The following ADGRD1 variants were observed in gnomAD, a reference collection of about 807,000 sequenced individuals.
ADGRD1 encodes G-protein coupled receptor 133.
Under a neutral mutation model 113.4 loss-of-function variants are expected in ADGRD1, and 77 were observed. The observed-to-expected ratio is 0.68, with a 90% confidence interval of 0.57 to 0.82. The LOEUF is 0.82. ADGRD1 is among the 40% of genes least tolerant of loss of function. The pLI is 0.00. For missense variants in ADGRD1, 1,036 were observed against 1,139.1 expected, an observed-to-expected ratio of 0.91 and a Z score of 1.30; for synonymous variants, 474 against 475.0, an observed-to-expected ratio of 1.00 and a Z score of 0.03.
chr12:131,088,731 G>C (rs1416287335), intron 15 of ADGRD1, among the ~76,000 whole-genome samples: 1 of 152,176 alleles, frequency 6.6e-6, no homozygotes, highest in African/African-American at 2.4e-5. Context: ...GCGGCAGCCC[G>C]CTGGTGTGGC....
intron 12 of ADGRD1, among the ~76,000 whole-genome samples, chr12:131,008,595 G>A (rs1270780025): frequency 6.6e-6 from 1 of 152,224 alleles, no homozygotes; most frequent in Non-Finnish European, 1.5e-5. Flanking sequence ...GATGATATCT[G>A]ACCACCCACG....
intron 13 of ADGRD1, among the ~76,000 whole-genome samples, chr12:131,047,798 T>C (rs563608374): frequency 3.2e-4 from 49 of 152,236 alleles, no homozygotes; most frequent in African/African-American, 1.1e-3. Context: ...CGTAAAGACA[T>C]CATCACCAAC....
intron 13 of ADGRD1, among the ~76,000 whole-genome samples, chr12:131,016,523 G>A (rs1337630952): frequency 1.3e-5 from 2 of 152,272 alleles, no homozygotes; most frequent in Non-Finnish European, 2.9e-5. Flanking sequence ...ATGTGGCTGC[G>A]ACATGCAGCA....
intron 3 of ADGRD1, chr12:130,969,954 T>G (rs1871421702): frequency 6.6e-6 from 1 of 152,250 alleles, no homozygotes; most frequent in South Asian, 2.1e-4. Flanking sequence ...AGGAAAAGCA[T>G]GCCATTTTAA....
At chr12:131,110,943 T>A (rs1247383826) in intron 18 of ADGRD1, among the ~76,000 whole-genome samples, 1 of 152,236 alleles carries the variant, frequency 6.6e-6, no homozygotes, top group Non-Finnish European at 1.5e-5. Flanking sequence ...CACTGCCTTC[T>A]GGCTCGATTG....
rs1329696761 is a variant in ADGRD1 at position 131,057,467 on chromosome 12, T to C, written c.1474-19334T>C. Among the ~76,000 whole-genome samples, 1 of 152,020 alleles carries C rather than the reference T, an allele frequency of 6.6e-6. No individual in the cohort carries two copies. The highest frequency in any genetic ancestry group is 2.4e-5 in the African/African-American group (1 of 41,378). ...AAGCCGTTCTCCTGCAGCTCTTGAG[T>C]CCACGAGTCTGAGACAAAGGCGTTG... On this transcript the variant is annotated intron_variant, in intron 13 of 24. Coordinates refer to ENST00000261654, the MANE Select transcript of ADGRD1 (RefSeq NM_198827.5). The surrounding 1 kb of genome is among the most constrained non-coding windows in gnomAD (Gnocchi z 4.2).
chr12:131,028,306 T>A (rs994231110), intron 13 of ADGRD1, among the ~76,000 whole-genome samples: 1 of 152,248 alleles, frequency 6.6e-6, no homozygotes. Flanking sequence ...TTGCTTTTCT[T>A]TCTTACTGAT....
chr12:131,086,116 A>G (rs2141186), intron 15 of ADGRD1, among the ~76,000 whole-genome samples: 117,674 of 152,066 alleles, frequency 0.77, 47,839 homozygotes, highest in East Asian at 0.91. Context: ...CTGTGGTCAC[A>G]TTTATCAAGG....
At chr12:130,991,856 C>T (rs929851045) in intron 7 of ADGRD1, among the ~76,000 whole-genome samples, 1 of 152,134 alleles carries the variant, frequency 6.6e-6, no homozygotes, top group African/African-American at 2.4e-5. Context: ...CACAGTTGCT[C>T]ATGCCTGTAA....
At chr12:131,037,479 C>T (rs1881628035) in intron 13 of ADGRD1, among the ~76,000 whole-genome samples, 2 of 141,848 alleles carry the variant, frequency 1.4e-5, no homozygotes, top group African/African-American at 5.3e-5. Flanking sequence ...CACCGGGCCT[C>T]ACTCACTGCA....
chr12:130,971,693 G>A lies in ADGRD1; in HGVS notation c.310+113G>A, dbSNP rs4759532. The A allele has an allele frequency of 0.91, 1,036,673 of 1,143,220 alleles. 479,468 individuals carry two copies. The highest frequency in any genetic ancestry group is 0.95 in the East Asian group (36,545 of 38,570). 70.8% of individuals were successfully genotyped at this position (1,143,220 alleles called of 1,614,324 possible). A position where few individuals can be genotyped will look rare whatever the true frequency, so the allele number is the denominator to read the frequency against. The stretch of plus-strand genomic sequence containing the variant: ...GAGGTTCTCATCAATTGCAGAATGC[G>A]TGAGAATGTCAACGATGGATCGGAG... On this transcript the variant is annotated intron_variant, in intron 4 of 24. Transcript: ENST00000261654. This position sits in a 1 kb window ranked among gnomAD's most constrained non-coding sequence, Gnocchi z 4.2.
chr12:130,976,343 G>A (rs1373647337), intron 4 of ADGRD1, among the ~76,000 whole-genome samples: 1 of 152,182 alleles, frequency 6.6e-6, no homozygotes, highest in African/African-American at 2.4e-5. Context: ...GGCCCAGAGA[G>A]GATGCAAGAT....
intron 20 of ADGRD1, among the ~76,000 whole-genome samples, chr12:131,126,630 C>A (rs1413117933): frequency 1.3e-5 from 2 of 152,142 alleles, no homozygotes; most frequent in Non-Finnish European, 2.9e-5. Flanking sequence ...TGCAGTCCTG[C>A]CTCCCTCCTC....
At position 131,138,227 on chromosome 12, in the gene ADGRD1, C is replaced by G; in HGVS notation, c.2527C>G (p.Leu843Val). The change falls in exon 24 of 25, where the codon CTC becomes GTC. Residue 843 changes from leucine to valine, a missense_variant and splice_region_variant. Leu to Val is a conservative substitution (Grantham distance 32). Coordinates refer to ENST00000261654, the MANE Select transcript of ADGRD1 (RefSeq NM_198827.5). ...TSNAKPFHSDLMNGTRPGMAS... is the reference protein window; with the variant it reads ...TSNAKPFHSDVMNGTRPGMAS... The stretch of plus-strand genomic sequence containing the variant: ...CAACGCGAAGCCCTTCCACTCGGAC[C>G]TCGTGAGTGCAGCCTCCATAAACCG... The G allele has an allele frequency of 6.2e-7, 1 of 1,612,302 alleles. No homozygotes were observed. The highest frequency in any genetic ancestry group is 8.5e-7 in the Non-Finnish European group (1 of 1,178,900).
At chr12:131,015,472 T>C (rs1222370209) in intron 13 of ADGRD1, among the ~76,000 whole-genome samples, 2 of 144,722 alleles carry the variant, frequency 1.4e-5, no homozygotes, top group African/African-American at 5.4e-5. Context: ...ATGTTGGAGA[T>C]AGAGATGGAA....
At chr12:130,975,912 G>A (rs970673855) in intron 4 of ADGRD1, among the ~76,000 whole-genome samples, 1 of 152,154 alleles carries the variant, frequency 6.6e-6, no homozygotes, top group African/African-American at 2.4e-5. Context: ...GGGAAAGGCA[G>A]CCTCCCCGAT....
intron 2 of ADGRD1, among the ~76,000 whole-genome samples, chr12:130,963,319 CAAAAAA>C (rs61220467): frequency 1.1e-4 from 8 of 75,014 alleles, no homozygotes; most frequent in Middle Eastern, 9.1e-3. Flanking sequence ...GACTCCGTCT[CAAAAAA>C]AAAAAAAAAA....
At chr12:131,064,286 A>G (rs1371462743) in intron 13 of ADGRD1, among the ~76,000 whole-genome samples, 2 of 152,212 alleles carry the variant, frequency 1.3e-5, no homozygotes, top group Non-Finnish European at 2.9e-5. Context: ...CTAATAAGTT[A>G]GCTCTAGGTT....
chr12:131,022,000 G>A (rs1435023793), intron 13 of ADGRD1, among the ~76,000 whole-genome samples: 4 of 152,036 alleles, frequency 2.6e-5, no homozygotes, highest in African/African-American at 4.8e-5. Context: ...CACCGCGCTC[G>A]GCCCTGATCT....
Sources: allele counts gnomAD v4.1 joint callset (sites outside exome capture counted in the v4.1 genomes callset), GRCh38; gene constraint gnomAD v4.1.1; non-coding constraint Gnocchi (gnomAD v3.1); transcripts MANE v1.5; gene names NCBI Gene and HGNC (gene_info 2026-07-23, HGNC 2026-07-21).